Variants in GRM7 observed in about 807,000 individuals in gnomAD.
GRM7 encodes glutamate metabotropic receptor 7, also known as metabotropic glutamate receptor 7.
Under a neutral mutation model 84.5 loss-of-function variants are expected in GRM7, and 35 were observed. The observed-to-expected ratio is 0.41, with a 90% CI of 0.32 to 0.55. The LOEUF (loss-of-function observed/expected upper bound fraction) is 0.55, where lower values mean the gene tolerates loss of function less well. Among genes scored for constraint, GRM7 ranks in the 20% least tolerant of loss-of-function variants. The pLI, the probability that GRM7 is intolerant of heterozygous loss-of-function variation, is 0.19. For missense variants in GRM7, 1,003 were observed against 1,194.6 expected (o/e 0.84, Z 2.36); for synonymous variants, 487 against 455.1 (o/e 1.07, Z -0.89).
intron 1 of GRM7, among the ~76,000 whole-genome samples, chr3:6,924,875 C>A (rs1332893030): frequency 2.0e-5 from 3 of 152,070 alleles, no homozygotes; most frequent in Non-Finnish European, 4.4e-5. Flanking sequence ...GGAAATATCT[C>A]CAAATCACTG....
At chr3:7,140,391 C>G (rs1352335939) in intron 1 of GRM7, among the ~76,000 whole-genome samples, 1 of 151,780 alleles carries the variant, frequency 6.6e-6, no homozygotes, top group Non-Finnish European at 1.5e-5. Flanking sequence ...GAATTGTAAG[C>G]CATTCTAACC....
At chr3:7,074,940 T>C (rs1325078014) in intron 1 of GRM7, among the ~76,000 whole-genome samples, 1 of 151,922 alleles carries the variant, frequency 6.6e-6, no homozygotes, top group Non-Finnish European at 1.5e-5. Context: ...AAACCAAGAG[T>C]AGGTTAATAG....
At chr3:7,702,994 A>C (rs2125159940) in intron 9 of GRM7, among the ~76,000 whole-genome samples, 1 of 152,262 alleles carries the variant, frequency 6.6e-6, no homozygotes, top group Middle Eastern at 3.4e-3. Context: ...GGTTCTCAGT[A>C]CTGACTGCTC....
chr3:7,121,269 T>A (rs1156925336), intron 1 of GRM7, among the ~76,000 whole-genome samples: 1 of 152,082 alleles, frequency 6.6e-6, no homozygotes, highest in African/African-American at 2.4e-5. Flanking sequence ...GAAGAACCAT[T>A]TGACTTTTGC....
intron 1 of GRM7, among the ~76,000 whole-genome samples, chr3:7,015,009 A>G (rs1695511278): frequency 6.6e-6 from 1 of 152,136 alleles, no homozygotes; most frequent in African/African-American, 2.4e-5. Context: ...AAAATGGACC[A>G]ATCAGCACTC....
intron 1 of GRM7, among the ~76,000 whole-genome samples, chr3:6,962,909 C>T (rs1219162938): frequency 1.3e-5 from 2 of 152,166 alleles, no homozygotes; most frequent in Non-Finnish European, 2.9e-5. Flanking sequence ...AAGTTTTAAG[C>T]TGTTTACTTG....
intron 9 of GRM7, among the ~76,000 whole-genome samples, chr3:7,702,190 G>A (rs1701250979): frequency 6.6e-6 from 1 of 152,140 alleles, no homozygotes; most frequent in African/African-American, 2.4e-5. Flanking sequence ...GAAGTCTCAG[G>A]CCTTAGTGAT....
intron 7 of GRM7, among the ~76,000 whole-genome samples, chr3:7,551,664 A>G (rs538482779): frequency 1.3e-5 from 2 of 151,858 alleles, no homozygotes; most frequent in East Asian, 1.9e-4. Flanking sequence ...CTAGTCCATA[A>G]TAGTTGCACA....
At chr3:7,241,407 C>G (rs965442360) in intron 2 of GRM7, among the ~76,000 whole-genome samples, 1 of 152,048 alleles carries the variant, frequency 6.6e-6, no homozygotes, top group African/African-American at 2.4e-5. Context: ...TAATAGTCAT[C>G]ATTAGCATTA....
intron 1 of GRM7, among the ~76,000 whole-genome samples, chr3:7,041,869 G>A (rs755599839): frequency 6.6e-6 from 1 of 152,204 alleles, no homozygotes; most frequent in Non-Finnish European, 1.5e-5. Flanking sequence ...CCTCTAAGGA[G>A]GGGCAAGGGG....
At chr3:7,679,038 A>T (rs1700251403) in intron 8 of GRM7, among the ~76,000 whole-genome samples, 1 of 152,212 alleles carries the variant, frequency 6.6e-6, no homozygotes, top group Non-Finnish European at 1.5e-5. Context: ...TGATCAAGAT[A>T]CTGAGTGCAT....
At chr3:6,970,533 A>C (rs1309258735) in intron 1 of GRM7, among the ~76,000 whole-genome samples, 1 of 152,246 alleles carries the variant, frequency 6.6e-6, no homozygotes, top group Non-Finnish European at 1.5e-5. Flanking sequence ...CTTAGCAGCT[A>C]TGGTAAGGAC....
chr3:7,516,510 TA>T (rs2124984410), intron 7 of GRM7, among the ~76,000 whole-genome samples: 1 of 78,164 alleles, frequency 1.3e-5, no homozygotes, highest in Admixed American at 1.3e-4. Flanking sequence ...AAAAAAGAAA[TA>T]GTTAGTTCAT....
intron 4 of GRM7, among the ~76,000 whole-genome samples, chr3:7,308,607 C>CT (rs1700279419): frequency 6.6e-6 from 1 of 152,116 alleles, no homozygotes; most frequent in Admixed American, 6.6e-5. Flanking sequence ...GAGTTTGTTA[C>CT]TTTATGCTGA....
intron 2 of GRM7, among the ~76,000 whole-genome samples, chr3:7,179,050 G>C (rs1057390687): frequency 6.6e-6 from 1 of 152,192 alleles, no homozygotes; most frequent in Non-Finnish European, 1.5e-5. Flanking sequence ...AAGTTGCAGT[G>C]AGCGGAGATT....
At chr3:6,864,098 G>A (rs761830532) in intron 1 of GRM7, among the ~76,000 whole-genome samples, 7 of 152,156 alleles carry the variant, frequency 4.6e-5, no homozygotes, top group Non-Finnish European at 8.8e-5. Flanking sequence ...CGTTATGGCT[G>A]GGGAGTAAAA....
intron 8 of GRM7, among the ~76,000 whole-genome samples, chr3:7,584,629 G>A (rs1695425376): frequency 6.6e-6 from 1 of 152,150 alleles, no homozygotes; most frequent in Admixed American, 6.5e-5. Flanking sequence ...GCTTGAGTGC[G>A]AAAAGCAGCT....
intron 1 of GRM7, among the ~76,000 whole-genome samples, chr3:6,868,466 C>A (rs1695009163): frequency 6.6e-6 from 1 of 152,090 alleles, no homozygotes; most frequent in Non-Finnish European, 1.5e-5. Flanking sequence ...AAACCCTTAC[C>A]TCCAAATGAA....
Position 7,230,091 on chromosome 3 carries a change from G to A in GRM7, c.737-68593G>A, listed in dbSNP as rs189150634. Among the ~76,000 whole-genome samples, 1,477 of 151,464 alleles carry A rather than the reference G, an allele frequency of 9.8e-3. 13 individuals carry two copies. The highest frequency in any genetic ancestry group is 0.017 in the Non-Finnish European group (1,122 of 67,864). On this transcript the variant is annotated intron_variant, in intron 2 of 9. Coordinates refer to ENST00000357716, the MANE Select transcript of GRM7 (RefSeq NM_000844.4). ...CCTGACCTTGTGATCCACCCACCTCGGCCTCCCAAAATGCTGGGATTGCCG... is the reference window on the plus strand; with the variant it reads ...CCTGACCTTGTGATCCACCCACCTCAGCCTCCCAAAATGCTGGGATTGCCG...
Sources: gnomAD v4.1 joint callset for allele counts (sites outside exome capture counted in the v4.1 genomes callset) on GRCh38, gnomAD v4.1.1 for gene constraint, MANE v1.5 for transcripts, NCBI Gene and HGNC (gene_info 2026-07-23, HGNC 2026-07-21) for gene names.